ARB2A: variants seen among roughly 807,000 people sequenced by gnomAD.
ARB2A encodes cotranscriptional regulator ARB2A.
At chr5:94,043,359 C>G in the ARB2A span, among the ~76,000 whole-genome samples, 1 of 152,192 alleles carries the variant, frequency 6.6e-6, no homozygotes, top group African/African-American at 2.4e-5. Context: ...GTAAAGTATA[C>G]TCCTGTGAAC....
the ARB2A span, among the ~76,000 whole-genome samples, chr5:93,870,944 A>G: frequency 4.6e-5 from 7 of 152,370 alleles, no homozygotes; most frequent in East Asian, 1.3e-3. Context: ...GTTTAGAGCT[A>G]AAGTAGTTAA....
chr5:93,824,674 A>G, the ARB2A span, among the ~76,000 whole-genome samples: 1 of 152,110 alleles, frequency 6.6e-6, no homozygotes, highest in Non-Finnish European at 1.5e-5. Flanking sequence ...AGATTAGAAA[A>G]CTACAAGTCA....
chr5:93,627,047 C>T, the ARB2A span, among the ~76,000 whole-genome samples: 2 of 152,204 alleles, frequency 1.3e-5, no homozygotes, highest in Non-Finnish European at 2.9e-5. Flanking sequence ...GCACCTTCAC[C>T]AGGAATACAT....
the ARB2A span, among the ~76,000 whole-genome samples, chr5:93,701,240 T>G: frequency 2.6e-5 from 4 of 152,328 alleles, no homozygotes; most frequent in Admixed American, 2.6e-4. Context: ...TTATCTCTTT[T>G]AAAATGCTAT....
At chr5:94,021,179 AG>A in the ARB2A span, among the ~76,000 whole-genome samples, 1 of 152,234 alleles carries the variant, frequency 6.6e-6, no homozygotes, top group Non-Finnish European at 1.5e-5. Flanking sequence ...CATTCTAACA[AG>A]GAAGGCAGTA....
At chr5:93,898,036 C>G in the ARB2A span, among the ~76,000 whole-genome samples, 1 of 151,844 alleles carries the variant, frequency 6.6e-6, no homozygotes, top group Admixed American at 6.6e-5. Flanking sequence ...TAGGAAGCTT[C>G]CGTGATCTGA....
chr5:93,762,675 C>A, the ARB2A span, among the ~76,000 whole-genome samples: 1 of 152,166 alleles, frequency 6.6e-6, no homozygotes, highest in Non-Finnish European at 1.5e-5. Context: ...GGCAGGCCAA[C>A]ATTCAAATTC....
At chr5:93,972,443 C>T in the ARB2A span, among the ~76,000 whole-genome samples, 2 of 151,424 alleles carry the variant, frequency 1.3e-5, no homozygotes, top group East Asian at 2.0e-4. Flanking sequence ...CAAATCAAGA[C>T]GCCCCATCCA....
At chr5:94,013,328 C>A in the ARB2A span, among the ~76,000 whole-genome samples, 1 of 151,954 alleles carries the variant, frequency 6.6e-6, no homozygotes, top group Non-Finnish European at 1.5e-5. Flanking sequence ...CACGTGCCCG[C>A]CACCACGCCC....
At chr5:93,783,478 A>G in the ARB2A span, among the ~76,000 whole-genome samples, 1 of 152,108 alleles carries the variant, frequency 6.6e-6, no homozygotes, top group Non-Finnish European at 1.5e-5. Context: ...TGGTCCTTAC[A>G]GTGTACCATG....
the ARB2A span, among the ~76,000 whole-genome samples, chr5:93,854,960 G>A: frequency 6.6e-6 from 1 of 152,306 alleles, no homozygotes; most frequent in African/African-American, 2.4e-5. Flanking sequence ...GAGTTCTGTA[G>A]ATGTCTATTA....
At chr5:94,042,589 G>C in the ARB2A span, among the ~76,000 whole-genome samples, 1 of 152,250 alleles carries the variant, frequency 6.6e-6, no homozygotes, top group South Asian at 2.1e-4. Context: ...AAAGGCGTGA[G>C]CCACTGCGCC....
At chr5:93,662,205 A>G in the ARB2A span, among the ~76,000 whole-genome samples, 1 of 152,176 alleles carries the variant, frequency 6.6e-6, no homozygotes, top group Non-Finnish European at 1.5e-5. Flanking sequence ...TTTCTGTGAG[A>G]ATCTTCTTTA....
chr5:93,672,264 C>G, the ARB2A span, among the ~76,000 whole-genome samples: 1 of 151,206 alleles, frequency 6.6e-6, no homozygotes, highest in Non-Finnish European at 1.5e-5. Context: ...CATCTTTTGG[C>G]AGTAGTCTTA....
At chr5:93,999,547 C>T in the ARB2A span, among the ~76,000 whole-genome samples, 6 of 151,826 alleles carry the variant, frequency 4.0e-5, no homozygotes, top group Non-Finnish European at 8.8e-5. Context: ...ACAGCAAAAT[C>T]GAGAGGAAGG....
the ARB2A span, among the ~76,000 whole-genome samples, chr5:93,675,943 C>T: frequency 6.6e-6 from 1 of 152,162 alleles, no homozygotes; most frequent in East Asian, 1.9e-4. Context: ...CTTAGTGGAA[C>T]AAATTTGTGT....
At chr5:94,105,952 C>G in the ARB2A span, among the ~76,000 whole-genome samples, 1 of 151,984 alleles carries the variant, frequency 6.6e-6, no homozygotes, top group East Asian at 1.9e-4. Context: ...GAAACTGAAC[C>G]CTTTCCTTTT....
At chr5:94,047,425 G>A in the ARB2A span, among the ~76,000 whole-genome samples, 1 of 151,682 alleles carries the variant, frequency 6.6e-6, no homozygotes, top group Non-Finnish European at 1.5e-5. Context: ...CCAGGAAGTG[G>A]AGGTTGCAGT....
At chr5:93,964,602 C>A in the ARB2A span, 1 of 922,156 alleles carries the variant, frequency 1.1e-6, no homozygotes, top group Non-Finnish European at 1.7e-6. Context: ...TAAATTGTTG[C>A]AAGTTATTGC....
Sources: gnomAD v4.1 joint callset for allele counts (sites outside exome capture counted in the v4.1 genomes callset) on GRCh38, gnomAD v4.1.1 for gene constraint, MANE v1.5 for transcripts, NCBI Gene and HGNC (gene_info 2026-07-23, HGNC 2026-07-21) for gene names.